The following IGSF23 variants were observed in gnomAD, a reference collection of about 807,000 sequenced individuals.
The protein encoded by IGSF23 is immunoglobulin superfamily, member 23.
In IGSF23, 14 loss-of-function variants were observed where a neutral mutation model predicts 17.8. The ratio of observed to expected loss-of-function variants is 0.79; its 90% CI spans 0.52 to 1.23. The LOEUF is 1.23. Ranked by LOEUF, IGSF23 falls within the 50% of genes most tolerant of loss-of-function variation. The pLI is 0.00. For synonymous variants in IGSF23, 85 were observed against 92.5 expected (o/e 0.92, Z 0.46); for missense variants, 214 against 241.7 (o/e 0.89, Z 0.76).
chr19:44,618,820 T>C (rs1972446071), intron 1 of IGSF23, among the ~76,000 whole-genome samples: 1 of 152,132 alleles, frequency 6.6e-6, no homozygotes, highest in Non-Finnish European at 1.5e-5. Context: ...CCACCTTCTA[T>C]TGGTCAAAGC....
intron 1 of IGSF23, among the ~76,000 whole-genome samples, chr19:44,622,450 C>A (rs1431425145): frequency 6.6e-6 from 1 of 152,180 alleles, no homozygotes; most frequent in African/African-American, 2.4e-5. Context: ...TGTGTCCCTA[C>A]TAGACCACGA....
At chr19:44,629,511 A>T (rs936709342) in intron 3 of IGSF23, among the ~76,000 whole-genome samples, 5 of 152,212 alleles carry the variant, frequency 3.3e-5, no homozygotes, top group Non-Finnish European at 5.9e-5. Context: ...GCAGCGAGCG[A>T]TGATCGTGCC....
In IGSF23 at chr19:44,623,748, G is replaced by C. The variant is rs763876937; in HGVS notation, c.167G>C (p.Arg56Pro). ...MPLKTFPAAI[R>P]GVIQSELNYS... Reference sequence around the variant, plus strand: ...CTGAAGACATTCCCAGCTGCTATCCGGGGAGTCATCCAGAGTGAGCTCAAC... The same window carrying C: ...CTGAAGACATTCCCAGCTGCTATCCCGGGAGTCATCCAGAGTGAGCTCAAC... Residue 56 changes from arginine (R) to proline (P), a missense_variant, in exon 2 of 5, where the codon CGG becomes CCG. Arg to Pro is a moderately radical substitution (Grantham distance 103). Transcript: ENST00000402988. 27 of 1,550,938 alleles carry C rather than the reference G, an allele frequency of 1.7e-5. No individual in the cohort carries two copies. The highest frequency in any genetic ancestry group is 2.1e-5 in the Non-Finnish European group (24 of 1,147,082).
chr19:44,627,360 G>A (rs1427006227), intron 2 of IGSF23, 60 bp from the exon 3 acceptor site: 2 of 1,426,368 alleles, frequency 1.4e-6, no homozygotes, highest in Non-Finnish European at 1.9e-6. Flanking sequence ...GCAGGAGGGA[G>A]GGGTGCACAG....
intron 1 of IGSF23, among the ~76,000 whole-genome samples, chr19:44,614,307 C>A (rs1165549085): frequency 6.6e-6 from 1 of 152,194 alleles, no homozygotes; most frequent in Non-Finnish European, 1.5e-5. Context: ...CCTGTCTCAC[C>A]CCTGCAATCC....
intron 1 of IGSF23, among the ~76,000 whole-genome samples, chr19:44,615,033 TA>T (rs1017811598): frequency 2.7e-4 from 41 of 152,244 alleles, no homozygotes; most frequent in African/African-American, 9.9e-4. Context: ...CTCACACCTG[TA>T]ATCCCAGCAC....
In IGSF23 at chr19:44,633,886, G is replaced by A. The variant is rs565810849; in HGVS notation, c.546-1515G>A. Among the ~76,000 whole-genome samples, 13 of 152,140 alleles carry A rather than the reference G, an allele frequency of 8.5e-5. No homozygotes were observed. The Middle Eastern group carries it at 0.01, about 119-fold the overall frequency. ...GGCACAATCAGGAGCTGTGCTGTGC[G>A]CTCTCCTGGCTCTGCTTTCCAGGGA... On this transcript the variant is annotated intron_variant, in intron 3 of 4. Coordinates refer to ENST00000402988, the MANE Select transcript of IGSF23 (RefSeq NM_001205280.2).
At chr19:44,631,403 C>G (rs1373972346) in intron 3 of IGSF23, among the ~76,000 whole-genome samples, 1 of 152,190 alleles carries the variant, frequency 6.6e-6, no homozygotes, top group Non-Finnish European at 1.5e-5. Context: ...GCCTGGCTAA[C>G]ATGGTAAAAC....
chr19:44,619,127 G>A (rs1259531763), intron 1 of IGSF23, among the ~76,000 whole-genome samples: 1 of 152,168 alleles, frequency 6.6e-6, no homozygotes, highest in Admixed American at 6.6e-5. Flanking sequence ...TGTCTCCCGT[G>A]AGAACAGGAG....
At chr19:44,635,306 AT>A in intron 3 of IGSF23, 94 bp from the exon 4 acceptor site, 1 of 982,264 alleles carries the variant, frequency 1.0e-6, no homozygotes, top group Non-Finnish European at 1.5e-6. Flanking sequence ...AGGACTACAT[AT>A]TAATTTGGGG....
intron 3 of IGSF23, among the ~76,000 whole-genome samples, chr19:44,635,054 T>C (rs538926177): frequency 6.6e-6 from 1 of 152,314 alleles, no homozygotes; most frequent in South Asian, 2.1e-4. Flanking sequence ...GTCTGGATGC[T>C]GGAAGTCCAA....
chr19:44,613,964 C>T (rs1201389527), intron 1 of IGSF23, 194 bp downstream of exon 1: 2 of 1,540,838 alleles, frequency 1.3e-6, no homozygotes, highest in African/African-American at 1.4e-5. Flanking sequence ...CAGCCACACC[C>T]CTACCTGGAG....
chr19:44,624,483 C>T (rs1455644089), intron 2 of IGSF23, among the ~76,000 whole-genome samples: 1 of 151,888 alleles, frequency 6.6e-6, no homozygotes, highest in African/African-American at 2.4e-5. Context: ...CGGGGTTTCA[C>T]TGTGTTGTCC....
intron 1 of IGSF23, among the ~76,000 whole-genome samples, chr19:44,615,018 G>C (rs777256430): frequency 6.6e-6 from 1 of 152,182 alleles, no homozygotes; most frequent in East Asian, 1.9e-4. Flanking sequence ...AGTTGGGCGC[G>C]GTGACTCACA....
intron 1 of IGSF23, chr19:44,614,066 C>A: frequency 1.6e-6 from 2 of 1,231,450 alleles, no homozygotes; most frequent in Non-Finnish European, 2.2e-6. Flanking sequence ...CCAAGTCACC[C>A]CCACTCAGAG....
At chr19:44,618,419 G>C (rs1446689678) in intron 1 of IGSF23, among the ~76,000 whole-genome samples, 1 of 152,166 alleles carries the variant, frequency 6.6e-6, no homozygotes, top group African/African-American at 2.4e-5. Flanking sequence ...TGTCAAGAGT[G>C]AGTGGGGCCC....
At chr19:44,615,037 C>A (rs1343821206) in intron 1 of IGSF23, among the ~76,000 whole-genome samples, 1 of 152,156 alleles carries the variant, frequency 6.6e-6, no homozygotes, top group Non-Finnish European at 1.5e-5. Context: ...CACCTGTAAT[C>A]CCAGCACTTT....
At position 44,613,740 on chromosome 19, in the gene IGSF23, C is replaced by T. The variant is rs918738344; in HGVS notation, c.95C>T (p.Ala32Val). ...TTTDPMLEKD[A>V]AGGDFPANLV... ...ACTGACCCGATGCTAGAGAAGGATG[C>T]GGCTGGAGGTGACTTCCCAGCCAAC... The change falls in exon 1 of 5, where the codon GCG becomes GTG. Residue 32 changes from alanine (A) to valine (V), a missense_variant. Coordinates refer to ENST00000402988, the MANE Select transcript of IGSF23 (RefSeq NM_001205280.2). 1.5e-5 allele frequency: 24 copies of T among 1,550,516 alleles called. No homozygotes were observed. Among genetic ancestry groups the T allele is most frequent in the South Asian group, 9.5e-5 (8 of 84,058 alleles).
At position 44,632,386 on chromosome 19, in the gene IGSF23, C is replaced by T. The variant is rs1242568739; in HGVS notation, c.546-3015C>T. 4 of 159,448 alleles carry T rather than the reference C, an allele frequency of 2.5e-5. No homozygotes were observed. In the South Asian group the frequency reaches 4.7e-4, roughly 19 times the overall value. 9.9% of individuals were successfully genotyped at this position (159,448 alleles called of 1,614,324 possible). A position where few individuals can be genotyped will look rare whatever the true frequency, so the allele number is the denominator to read the frequency against. On this transcript the variant is annotated intron_variant, in intron 3 of 4. Transcript: ENST00000402988. ...CATTACTCATTCTGAGTGGTTGTCC[C>T]GCTTTCCTCAGGTTTTCTTCCATCA... is the stretch of plus-strand genomic sequence containing the variant.
Sources: gnomAD v4.1 joint callset for allele counts (sites outside exome capture counted in the v4.1 genomes callset) on GRCh38, gnomAD v4.1.1 for gene constraint, MANE v1.5 for transcripts, NCBI Gene and HGNC (gene_info 2026-07-23, HGNC 2026-07-21) for gene names.